NCLN: variants seen among roughly 807,000 people sequenced by gnomAD.
NCLN encodes nicalin.
A neutral mutation model predicts 69.5 loss-of-function variants in NCLN; 34 were observed. The observed-to-expected ratio is 0.49, with a 90% confidence interval of 0.37 to 0.65. NCLN has a LOEUF of 0.65. Ranked by LOEUF, NCLN falls within the 30% of genes least tolerant of loss-of-function variation. NCLN has a pLI of 0.00. For synonymous variants in NCLN, 393 were observed against 358.3 expected (o/e 1.10, Z -1.09); for missense variants, 710 against 804.8 (o/e 0.88, Z 1.42).
Position 3,208,236 on chromosome 19 carries a change from C to T in NCLN, c.*548C>T, listed in dbSNP as rs11551092. The stretch of plus-strand genomic sequence containing the variant: ...AGCCCTGGGGTTCTGGGATTCCAGC[C>T]CTCCTGGAGCCTTTTGTTCCCCATG... On this transcript the variant is annotated 3_prime_UTR_variant, in exon 15 of 15. Coordinates refer to ENST00000246117, the MANE Select transcript of NCLN (RefSeq NM_020170.4). 0.11 allele frequency: 16,758 copies of T among 152,776 alleles called. 1,169 individuals are homozygous for T. Among genetic ancestry groups the T allele is most frequent in the Middle Eastern group, 0.18 (54 of 292 alleles). 9.5% of individuals were successfully genotyped at this position (152,776 alleles called of 1,614,324 possible). A position where few individuals can be genotyped will look rare whatever the true frequency, so the allele number is the denominator to read the frequency against.
intron 1 of NCLN, among the ~76,000 whole-genome samples, chr19:3,191,889 C>T (rs1166676350): frequency 6.6e-6 from 1 of 152,148 alleles, no homozygotes; most frequent in Non-Finnish European, 1.5e-5. Flanking sequence ...AGAAGGGGCT[C>T]TGCTGTCATT....
intron 1 of NCLN, among the ~76,000 whole-genome samples, chr19:3,189,833 G>A (rs1021827720): frequency 3.3e-5 from 5 of 152,234 alleles, no homozygotes; most frequent in Admixed American, 3.3e-4. Context: ...CCGAGCGAGC[G>A]GGGGCTGGGA....
chr19:3,206,134 C>G lies in NCLN; in HGVS notation c.1297-18C>G. The G allele has an allele frequency of 6.5e-7, 1 of 1,536,962 alleles. No individual in the cohort carries two copies. Among genetic ancestry groups the G allele is most frequent in the South Asian group, 1.2e-5 (1 of 81,692 alleles). On this transcript the variant is annotated intron_variant, in intron 10 of 14. Coordinates refer to ENST00000246117, the MANE Select transcript of NCLN (RefSeq NM_020170.4). The stretch of plus-strand genomic sequence containing the variant: ...TGCAGGGGCCTGGACTCAGGGCCAT[C>G]CCCTCCTCTCTCCGCAGGGGACACC...
chr19:3,187,707 G>A (rs190054307), intron 1 of NCLN, among the ~76,000 whole-genome samples: 51 of 152,316 alleles, frequency 3.3e-4, no homozygotes, highest in East Asian at 2.5e-3. Flanking sequence ...GTAGTGCCCA[G>A]GACGGCCCCA....
intron 3 of NCLN, among the ~76,000 whole-genome samples, chr19:3,195,240 T>G (rs1915925312): frequency 6.6e-6 from 1 of 151,226 alleles, no homozygotes; most frequent in African/African-American, 2.4e-5. Flanking sequence ...TGATCATATC[T>G]TTTTGTTTTG....
At chr19:3,194,321 TGTG>T (rs999154913) in intron 3 of NCLN, among the ~76,000 whole-genome samples, 5 of 152,048 alleles carry the variant, frequency 3.3e-5, no homozygotes, top group African/African-American at 1.2e-4. Context: ...AGGCGGAGGT[TGTG>T]GTGAGCTGAG....
In NCLN at chr19:3,204,092, A is replaced by G. The variant is rs1916196306; in HGVS notation, c.977A>G (p.Lys326Arg). Reference sequence around the variant, plus strand: ...AGCAGCCTGCACCTGCACGTGTCCAAGCCGCCTCGGGAGGGCACCCTGCAG... The same window carrying G: ...AGCAGCCTGCACCTGCACGTGTCCAGGCCGCCTCGGGAGGGCACCCTGCAG... The part of the protein sequence containing the change: ...RGSSLHLHVS[K>R]PPREGTLQHA... The change falls in exon 8 of 15, where the codon AAG becomes AGG. Residue 326 changes from lysine (K) to arginine (R), a missense_variant. Lys to Arg is a conservative substitution (Grantham distance 26). Coordinates refer to ENST00000246117, the MANE Select transcript of NCLN (RefSeq NM_020170.4). The G allele has an allele frequency of 1.3e-6, 2 of 1,536,202 alleles. No individual in the cohort carries two copies. The highest frequency in any genetic ancestry group is 8.7e-7 in the Non-Finnish European group (1 of 1,143,676).
chr19:3,206,542 A>T, intron 12 of NCLN, 117 bp downstream of exon 12: 2 of 1,322,904 alleles, frequency 1.5e-6, no homozygotes, highest in Non-Finnish European at 2.0e-6. Flanking sequence ...ATACAAAGAG[A>T]GGGTGGGATG....
At chr19:3,186,801 A>G (rs1005782226) in intron 1 of NCLN, among the ~76,000 whole-genome samples, 3 of 152,158 alleles carry the variant, frequency 2.0e-5, no homozygotes, top group East Asian at 3.9e-4. Flanking sequence ...GTGGTCCAGC[A>G]TTCCCCACCC....
intron 4 of NCLN, among the ~76,000 whole-genome samples, chr19:3,196,582 G>C (rs542357136): frequency 6.6e-6 from 1 of 151,882 alleles, no homozygotes; most frequent in African/African-American, 2.4e-5. Context: ...CCTTTGCACC[G>C]GCTGCCCCTC....
rs1021332634 is a variant in NCLN at position 3,185,952 on chromosome 19, C to T, written c.-79C>T. Reference sequence around the variant, plus strand: ...CGCAGGACCCCGGCGGCTACCCATGCCGAGGTGAGTCCGCGGGAGCCGCCG... The same window carrying T: ...CGCAGGACCCCGGCGGCTACCCATGTCGAGGTGAGTCCGCGGGAGCCGCCG... On this transcript the variant is annotated 5_prime_UTR_variant, in exon 1 of 15. Coordinates refer to ENST00000246117, the MANE Select transcript of NCLN (RefSeq NM_020170.4). The T allele has an allele frequency of 1.0e-5, 12 of 1,193,912 alleles. No homozygotes were observed. The African/African-American group carries it at 1.6e-4, about 16-fold the overall frequency. The allele number at this position is 1,193,912 out of a possible 1,614,324, so 74.0% of individuals were successfully genotyped here.
Position 3,205,435 on chromosome 19 carries a change from G to T in NCLN, c.1209-504G>T, listed in dbSNP as rs1447721512. Among the ~76,000 whole-genome samples, 1 of 152,232 alleles carries T rather than the reference G, an allele frequency of 6.6e-6. No individual in the cohort carries two copies. Among genetic ancestry groups the T allele is most frequent in the Non-Finnish European group, 1.5e-5 (1 of 68,038 alleles). On this transcript the variant is annotated intron_variant, in intron 9 of 14. Coordinates refer to ENST00000246117, the MANE Select transcript of NCLN (RefSeq NM_020170.4). This position sits in a 1 kb window ranked among gnomAD's most constrained non-coding sequence, Gnocchi z 4.6. Reference sequence around the variant, plus strand: ...GGCCTGCAGAAGCCAGTGGCGGGAGGGAGGGGCACATCCCTGGGTAATCGC... The same window carrying T: ...GGCCTGCAGAAGCCAGTGGCGGGAGTGAGGGGCACATCCCTGGGTAATCGC...
chr19:3,207,310 G>T (rs1458778543), intron 13 of NCLN, 59 bp downstream of exon 13: 2 of 1,612,748 alleles, frequency 1.2e-6, no homozygotes, highest in Non-Finnish European at 1.7e-6. Flanking sequence ...CAGCCGAGGG[G>T]ACTGCGGCCC....
chr19:3,187,521 G>A (rs945544358), intron 1 of NCLN, among the ~76,000 whole-genome samples: 1 of 152,206 alleles, frequency 6.6e-6, no homozygotes. Flanking sequence ...TCTGGAGATG[G>A]AACCAGACTT....
intron 8 of NCLN, 76 bp downstream of exon 8, chr19:3,204,220 C>T: frequency 2.1e-6 from 3 of 1,442,588 alleles, no homozygotes; most frequent in South Asian, 2.9e-5. Context: ...GCATCCTGTC[C>T]CAGGGTGTCC....
At chr19:3,194,610 T>C (rs1351310333) in intron 3 of NCLN, among the ~76,000 whole-genome samples, 1 of 152,212 alleles carries the variant, frequency 6.6e-6, no homozygotes, top group East Asian at 1.9e-4. Context: ...TCTGATCCTT[T>C]GCAGAAAACG....
At chr19:3,188,515 C>G (rs1246735118) in intron 1 of NCLN, among the ~76,000 whole-genome samples, 1 of 152,064 alleles carries the variant, frequency 6.6e-6, no homozygotes, top group African/African-American at 2.4e-5. Flanking sequence ...CCGATTCCCT[C>G]GGCCCCTTTT....
intron 11 of NCLN, 35 bp downstream of exon 11, chr19:3,206,225 C>A: frequency 2.6e-6 from 2 of 782,654 alleles, no homozygotes; most frequent in Admixed American, 3.5e-5. Context: ...GGTGGGTGGG[C>A]GGGGCCAGGC....
chr19:3,201,413 G>C, intron 5 of NCLN, 110 bp from the exon 6 acceptor site: 1 of 743,822 alleles, frequency 1.3e-6, no homozygotes. Flanking sequence ...TGGGGCTACG[G>C]GAGTAGGGTG....
Sources: gnomAD v4.1 joint callset for allele counts (sites outside exome capture counted in the v4.1 genomes callset) on GRCh38, gnomAD v4.1.1 for gene constraint, Gnocchi (gnomAD v3.1) non-coding constraint, MANE v1.5 for transcripts, NCBI Gene and HGNC (gene_info 2026-07-23, HGNC 2026-07-21) for gene names.